The following CDC14A variants were observed in gnomAD, a reference collection of about 807,000 sequenced individuals.
CDC14A encodes the protein cell division cycle 14A, also known as dual specificity protein phosphatase CDC14A.
Under a neutral mutation model 74.4 loss-of-function variants are expected in CDC14A, and 53 were observed. That is an observed-to-expected ratio of 0.71 (90% CI 0.57 to 0.89). CDC14A has a LOEUF of 0.89. CDC14A is among the 40% of genes least tolerant of loss of function. The pLI is 0.00. For missense variants in CDC14A, 646 were observed against 713.7 expected (o/e 0.91, Z 1.08); for synonymous variants, 247 against 258.4 (o/e 0.96, Z 0.43).
chr1:100,466,994 A>AATAG (rs1301390242), intron 9 of CDC14A, among the ~76,000 whole-genome samples: 1 of 152,072 alleles, frequency 6.6e-6, no homozygotes, highest in African/African-American at 2.4e-5. Context: ...GATTTACATA[A>AATAG]ACAGATATGC....
At chr1:100,462,516 C>T in intron 8 of CDC14A, 135 bp from the exon 9 acceptor site, 1 of 677,140 alleles carries the variant, frequency 1.5e-6, no homozygotes, top group Non-Finnish European at 2.5e-6. Flanking sequence ...CTTGCTGTGA[C>T]CTCTTCTCTC....
At chr1:100,415,285 G>C (rs28361221) in intron 4 of CDC14A, among the ~76,000 whole-genome samples, 3,001 of 152,212 alleles carry the variant, frequency 0.02, 107 homozygotes, top group African/African-American at 0.069. Context: ...AAAGTCTGCT[G>C]TTTGTTGACT....
At chr1:100,366,741 C>G (rs943631046) in intron 2 of CDC14A, among the ~76,000 whole-genome samples, 2 of 152,122 alleles carry the variant, frequency 1.3e-5, no homozygotes, top group Non-Finnish European at 2.9e-5. Context: ...AGTTTCTTTC[C>G]TGTCAAAACA....
At chr1:100,361,990 C>G (rs933686400) in intron 2 of CDC14A, among the ~76,000 whole-genome samples, 9 of 152,174 alleles carry the variant, frequency 5.9e-5, no homozygotes, top group African/African-American at 2.2e-4. Context: ...GAGGAGGAAG[C>G]AAAGGTGAAT....
rs371134623 is a variant in CDC14A, at chr1:100,494,805, T to C, written c.1138-13T>C. The C allele has an allele frequency of 1.3e-6, 2 of 1,528,174 alleles. No individual in the cohort carries two copies. The highest frequency in any genetic ancestry group is 1.4e-5 in the African/African-American group (1 of 73,248). 94.7% of individuals were successfully genotyped at this position (1,528,174 alleles called of 1,614,324 possible). A position where few individuals can be genotyped will look rare whatever the true frequency, so the allele number is the denominator to read the frequency against. On this transcript the variant is annotated splice_polypyrimidine_tract_variant and intron_variant, in intron 11 of 15. Transcript: ENST00000336454. ...AATTTTGACCTTTCTATGGAACGTG[T>C]ATTTTTTTCCAGGATAACTTAGAAG...
intron 1 of CDC14A, chr1:100,345,327 T>C (rs1267610542): frequency 6.6e-6 from 1 of 152,072 alleles, no homozygotes; most frequent in Admixed American, 6.5e-5. Flanking sequence ...TTAATATTAA[T>C]AATATTTGTA....
chr1:100,455,596 G>C lies in CDC14A; in HGVS notation c.607+104G>C, dbSNP rs1666607059. The stretch of plus-strand genomic sequence containing the variant: ...ATTTTCTTTGGTAATATTCTCCAAA[G>C]AATATTTATTCATAATTTAAAAAAT... On this transcript the variant is annotated intron_variant, in intron 8 of 15. Transcript: ENST00000336454. 9.9e-6 allele frequency: 7 copies of C among 708,316 alleles called. No individual in the cohort carries two copies. The South Asian group carries it at 1.3e-4, about 13-fold the overall frequency. The allele number at this position is 708,316 out of a possible 1,614,324, so 43.9% of individuals were successfully genotyped here.
intron 3 of CDC14A, among the ~76,000 whole-genome samples, chr1:100,387,772 C>T (rs1657077344): frequency 6.6e-6 from 1 of 152,066 alleles, no homozygotes; most frequent in Non-Finnish European, 1.5e-5. Flanking sequence ...TTTTATGGCT[C>T]ATGTTCCAGG....
Position 100,455,777 on chromosome 1 carries a change from C to G in CDC14A, c.607+285C>G, listed in dbSNP as rs1666621931. Among the ~76,000 whole-genome samples, 6 of 152,300 alleles carry G rather than the reference C, an allele frequency of 3.9e-5. No homozygotes were observed. In the South Asian group the frequency reaches 1.2e-3, roughly 32 times the overall value. ...AGAAGAATCTGAGAAACAAACTGGT[C>G]AAACTCATAAGCAGATTGCTGTATT... On this transcript the variant is annotated intron_variant, in intron 8 of 15. Coordinates refer to ENST00000336454, the MANE Select transcript of CDC14A (RefSeq NM_003672.4).
intron 11 of CDC14A, chr1:100,485,363 C>T (rs2008056): frequency 0.98 from 926,196 of 948,588 alleles, 454,642 homozygotes; most frequent in Non-Finnish European, 1. Flanking sequence ...TTTTATATCT[C>T]TAAAGGAGAA....
At position 100,462,682 on chromosome 1, in the gene CDC14A, T is replaced by C; in HGVS notation, c.639T>C (p.Phe213=). The C allele has an allele frequency of 1.2e-6, 2 of 1,614,156 alleles. No individual in the cohort carries two copies. Among genetic ancestry groups the C allele is most frequent in the South Asian group, 1.1e-5 (1 of 91,088 alleles). The change falls in exon 9 of 16, where the codon TTT becomes TTC. Residue 213 remains phenylalanine (F), a synonymous_variant. Transcript: ENST00000336454. ...GYPLHAPEAY[F]PYFKKHNVTA... ...CTCTTCACGCCCCTGAAGCCTACTT[T>C]CCTTATTTCAAAAAGCATAATGTGA...
At chr1:100,383,013 A>G (rs1656361533) in intron 3 of CDC14A, among the ~76,000 whole-genome samples, 1 of 152,182 alleles carries the variant, frequency 6.6e-6, no homozygotes, top group Non-Finnish European at 1.5e-5. Flanking sequence ...AAACATGTTG[A>G]GATTTCTTCA....
At chr1:100,434,995 TGCAAA>T (rs1438468096) in intron 5 of CDC14A, among the ~76,000 whole-genome samples, 1 of 152,160 alleles carries the variant, frequency 6.6e-6, no homozygotes, top group Non-Finnish European at 1.5e-5. Context: ...TTGTTAGAAA[TGCAAA>T]TTCTCAGGCC....
chr1:100,441,380 C>A (rs1664906630), intron 6 of CDC14A, among the ~76,000 whole-genome samples: 1 of 152,142 alleles, frequency 6.6e-6, no homozygotes, highest in Admixed American at 6.5e-5. Context: ...GCACCATATT[C>A]TGGGCTATTT....
At chr1:100,461,326 T>C (rs1463302655) in intron 8 of CDC14A, among the ~76,000 whole-genome samples, 1 of 152,162 alleles carries the variant, frequency 6.6e-6, no homozygotes, top group Non-Finnish European at 1.5e-5. Flanking sequence ...CCAGCCCCAG[T>C]GTCACAGAGC....
At chr1:100,511,943 G>A in intron 15 of CDC14A, among the ~76,000 whole-genome samples, 1 of 152,052 alleles carries the variant, frequency 6.6e-6, no homozygotes, top group East Asian at 1.9e-4. Context: ...TGGCTCCCCT[G>A]GCTTGGCATT....
intron 4 of CDC14A, chr1:100,393,320 C>T (rs780476369): frequency 9.5e-7 from 1 of 1,056,354 alleles, no homozygotes; most frequent in Non-Finnish European, 1.5e-6. Flanking sequence ...TACATCCATG[C>T]TGTGACATTA....
intron 8 of CDC14A, among the ~76,000 whole-genome samples, chr1:100,461,583 C>A (rs1223096486): frequency 1.3e-5 from 2 of 152,184 alleles, no homozygotes; most frequent in East Asian, 3.9e-4. Flanking sequence ...GTCCCCTGAA[C>A]TTTTGGAGCT....
Position 100,463,035 on chromosome 1 carries a change from C to T in CDC14A, c.838+154C>T, listed in dbSNP as rs980198569. 1.5e-5 allele frequency: 9 copies of T among 618,240 alleles called. No individual in the cohort carries two copies. The African/African-American group carries it at 1.5e-4, about 10-fold the overall frequency. 38.3% of individuals were successfully genotyped at this position (618,240 alleles called of 1,614,324 possible). A position where few individuals can be genotyped will look rare whatever the true frequency, so the allele number is the denominator to read the frequency against. On this transcript the variant is annotated intron_variant, in intron 9 of 15. Transcript: ENST00000336454. Reference sequence around the variant, plus strand: ...GGGACACAAACTCATTTTAATAACCCCTTCTTAAAGAAACGATTGCTTGGG... The same window carrying T: ...GGGACACAAACTCATTTTAATAACCTCTTCTTAAAGAAACGATTGCTTGGG...
Sources: allele counts gnomAD v4.1 joint callset (sites outside exome capture counted in the v4.1 genomes callset), GRCh38; gene constraint gnomAD v4.1.1; transcripts MANE v1.5; gene names NCBI Gene and HGNC (gene_info 2026-07-23, HGNC 2026-07-21).